ZNF251: variants seen among roughly 807,000 people sequenced by gnomAD.
ZNF251 encodes the protein zinc finger protein 251.
A neutral mutation model predicts 13.5 loss-of-function variants in ZNF251; 14 were observed. The ratio of observed to expected loss-of-function variants is 1.04; its 90% CI spans 0.69 to 1.63. The LOEUF is 1.63. Among genes scored for constraint, ZNF251 ranks in the 40% most tolerant of loss-of-function variants. ZNF251 has a pLI of 0.00. For missense variants in ZNF251, 764 were observed against 834.9 expected (o/e 0.92, Z 1.05); for synonymous variants, 287 against 295.2 (o/e 0.97, Z 0.28).
At chr8:144,750,095 G>A (rs529006374) in intron 4 of ZNF251, among the ~76,000 whole-genome samples, 17 of 151,686 alleles carry the variant, frequency 1.1e-4, no homozygotes, top group African/African-American at 3.9e-4. Context: ...CCCTCAGCAC[G>A]TTAATCATAG....
intron 4 of ZNF251, among the ~76,000 whole-genome samples, chr8:144,750,318 C>A (rs1393209635): frequency 6.6e-6 from 1 of 152,124 alleles, no homozygotes; most frequent in Admixed American, 6.5e-5. Context: ...GGAAAGTGTT[C>A]TATGATACTA....
chr8:144,751,380 T>G (rs1217423812), intron 4 of ZNF251, among the ~76,000 whole-genome samples: 1 of 152,210 alleles, frequency 6.6e-6, no homozygotes, highest in Non-Finnish European at 1.5e-5. Context: ...TCACATTGTC[T>G]TTCTGAGTTT....
Position 144,722,210 on chromosome 8 carries a change from T to A in ZNF251, c.1450A>T (p.Thr484Ser). Reference protein sequence around the residue: ...SQLTLHQRVHTGEKPYDCGDC... With the variant: ...SQLTLHQRVHSGEKPYDCGDC... ...CCACAGTCATAGGGCTTCTCTCCAG[T>A]GTGAACTCGCTGATGTAGGGTGAGC... is the stretch of plus-strand genomic sequence containing the variant. The change falls in exon 5 of 5, where the codon ACT (threonine) becomes TCT (serine). Residue 484 changes from threonine to serine, a missense_variant. Physicochemically the swap from Thr to Ser is moderately conservative, Grantham distance 58. Transcript: ENST00000292562. This position sits in a 1 kb window ranked among gnomAD's most constrained non-coding sequence, Gnocchi z 4.8. 6.2e-7 allele frequency: 1 copy of A among 1,614,002 alleles called. No homozygotes were observed. The highest frequency in any genetic ancestry group is 1.1e-5 in the South Asian group (1 of 91,080).
At chr8:144,750,048 A>G (rs867460038) in intron 4 of ZNF251, among the ~76,000 whole-genome samples, 9 of 151,250 alleles carry the variant, frequency 6.0e-5, no homozygotes, top group South Asian at 2.1e-4. Flanking sequence ...TACATTATCA[A>G]TCTGTTTTTG....
intron 4 of ZNF251, among the ~76,000 whole-genome samples, chr8:144,737,510 AAAACAAAC>A (rs200014252): frequency 6.7e-6 from 1 of 150,294 alleles, no homozygotes; most frequent in Non-Finnish European, 1.5e-5. Context: ...TTCCGTCGCA[AAAACAAAC>A]AAACAAACAA....
At chr8:144,735,305 T>C (rs896642932) in intron 4 of ZNF251, among the ~76,000 whole-genome samples, 8 of 147,928 alleles carry the variant, frequency 5.4e-5, no homozygotes, top group African/African-American at 1.5e-4. Flanking sequence ...GAGAATTGCT[T>C]GAACCCAGGA....
chr8:144,751,908 A>T (rs879918702), intron 4 of ZNF251, among the ~76,000 whole-genome samples: 4 of 152,308 alleles, frequency 2.6e-5, no homozygotes, highest in South Asian at 2.1e-4. Flanking sequence ...TGGAATTGCT[A>T]CATTAATATT....
chr8:144,751,973 TTA>T (rs1824714928), intron 4 of ZNF251, among the ~76,000 whole-genome samples: 1 of 152,090 alleles, frequency 6.6e-6, no homozygotes, highest in South Asian at 2.1e-4. Context: ...AGGAATTCTC[TTA>T]TCTCTCATAA....
intron 4 of ZNF251, among the ~76,000 whole-genome samples, chr8:144,726,194 C>CAAAAAA (rs35542133): frequency 3.8e-5 from 2 of 52,136 alleles, no homozygotes; most frequent in Non-Finnish European, 6.5e-5. Flanking sequence ...GACTCTGTCT[C>CAAAAAA]AAAAAAAAAA....
Position 144,722,545 on chromosome 8 carries a change from G to A in ZNF251, c.1115C>T (p.Thr372Ile). Reference sequence around the variant, plus strand: ...ATTGCATTTATGGGGCTTCTCTCCAGTGTGAATTCTCTCATGCTGAATAAG... The same window carrying A: ...ATTGCATTTATGGGGCTTCTCTCCAATGTGAATTCTCTCATGCTGAATAAG... The part of the protein sequence containing the change: ...SSLIQHERIH[T>I]GEKPHKCNQC... The change falls in exon 5 of 5, where the codon ACT becomes ATT. Residue 372 changes from threonine (T) to isoleucine (I), a missense_variant. By Grantham distance (89) the Thr-to-Ile change is moderately conservative. Transcript: ENST00000292562. This position sits in a 1 kb window ranked among gnomAD's most constrained non-coding sequence, Gnocchi z 4.8. 1 of 1,614,048 alleles carries A rather than the reference G, an allele frequency of 6.2e-7. No homozygotes were observed. The highest frequency in any genetic ancestry group is 1.7e-4 in the Middle Eastern group (1 of 6,060).
At chr8:144,738,053 A>G (rs910537758) in intron 4 of ZNF251, among the ~76,000 whole-genome samples, 1 of 152,000 alleles carries the variant, frequency 6.6e-6, no homozygotes, top group East Asian at 1.9e-4. Context: ...GAGTTTCCAT[A>G]TCTTACTCTA....
intron 4 of ZNF251, among the ~76,000 whole-genome samples, chr8:144,744,002 T>TTGA (rs201173116): frequency 0.03 from 4,438 of 147,524 alleles, 236 homozygotes; most frequent in African/African-American, 0.11. Context: ...TCTCATTCTC[T>TTGA]CGTTGTCTTT....
intron 4 of ZNF251, among the ~76,000 whole-genome samples, chr8:144,736,859 ATGGCG>A (rs1344324105): frequency 2.0e-5 from 3 of 151,148 alleles, no homozygotes; most frequent in Admixed American, 1.3e-4. Context: ...TTGAAGTGCA[ATGGCG>A]TGGTCTCGGC....
At chr8:144,736,505 T>C (rs927162237) in intron 4 of ZNF251, among the ~76,000 whole-genome samples, 1 of 143,146 alleles carries the variant, frequency 7.0e-6, no homozygotes, top group Non-Finnish European at 1.5e-5. Flanking sequence ...ATTTATTTAT[T>C]TTTGAGACAG....
At chr8:144,754,076 T>C in intron 3 of ZNF251, 116 bp downstream of exon 3, 2 of 1,406,252 alleles carry the variant, frequency 1.4e-6, no homozygotes, top group Non-Finnish European at 1.9e-6. Flanking sequence ...GAGATCAGAC[T>C]GATACCCGGG....
chr8:144,727,814 A>G (rs61517642), intron 4 of ZNF251, among the ~76,000 whole-genome samples: 4,414 of 152,074 alleles, frequency 0.029, 202 homozygotes, highest in African/African-American at 0.1. Context: ...TTTACTTTTT[A>G]CTGTTATTTT....
chr8:144,745,612 T>C (rs1403461046), intron 4 of ZNF251, among the ~76,000 whole-genome samples: 1 of 152,046 alleles, frequency 6.6e-6, no homozygotes. Flanking sequence ...AGTGGCATGA[T>C]CATAACTTAC....
chr8:144,747,643 G>A (rs539591262), intron 4 of ZNF251, among the ~76,000 whole-genome samples: 2 of 146,044 alleles, frequency 1.4e-5, no homozygotes, highest in Non-Finnish European at 3.0e-5. Flanking sequence ...ACGGAGTCTC[G>A]CTCTGTTGCC....
rs1280946841 is a variant in ZNF251 at position 144,755,275 on chromosome 8, C to T, written c.-76+130G>A. The T allele has an allele frequency of 6.6e-6, 8 of 1,216,626 alleles. No individual in the cohort carries two copies. The East Asian group carries it at 4.0e-4, about 60-fold the overall frequency. The allele number at this position is 1,216,626 out of a possible 1,614,324, so 75.4% of individuals were successfully genotyped here. The stretch of plus-strand genomic sequence containing the variant: ...GGTCGCCTCCTCCCGGCCTCTGCAG[C>T]CCGTCGGTGGCTCCCGCGGCACCCA... On this transcript the variant is annotated intron_variant, in intron 1 of 4. Transcript: ENST00000292562.
Sources: allele counts gnomAD v4.1 joint callset (sites outside exome capture counted in the v4.1 genomes callset), GRCh38; gene constraint gnomAD v4.1.1; non-coding constraint Gnocchi (gnomAD v3.1); transcripts MANE v1.5; gene names NCBI Gene and HGNC (gene_info 2026-07-23, HGNC 2026-07-21).